Variants in CCDC33 observed in about 807,000 individuals in gnomAD.
The protein encoded by CCDC33 is coiled-coil domain containing 33.
CCDC33 carries 94 observed loss-of-function variants against 91.9 expected under a neutral mutation model. The ratio of observed to expected loss-of-function variants is 1.02; its 90% CI spans 0.87 to 1.21. The LOEUF is 1.21. Among genes scored for constraint, CCDC33 ranks in the 50% most tolerant of loss-of-function variants. CCDC33 has a pLI of 0.00. For synonymous variants in CCDC33, 396 were observed against 374.5 expected, an observed-to-expected ratio of 1.06 and a Z score of -0.66; for missense variants, 940 against 935.5, an observed-to-expected ratio of 1.00 and a Z score of -0.06.
chr15:74,325,788 G>T (rs1002903312), intron 11 of CCDC33, among the ~76,000 whole-genome samples: 7 of 152,052 alleles, frequency 4.6e-5, no homozygotes, highest in African/African-American at 1.7e-4. Flanking sequence ...ATTTTTTTGC[G>T]GGGGGTGGGT....
chr15:74,225,802 T>G (rs1174443296), intron 2 of CCDC33, among the ~76,000 whole-genome samples: 3 of 151,932 alleles, frequency 2.0e-5, no homozygotes, highest in Non-Finnish European at 2.9e-5. Flanking sequence ...AGCAGCAGGG[T>G]AGGAAGGCTG....
At position 74,254,705 on chromosome 15, in the gene CCDC33, C is replaced by T. The variant is rs1229336901; in HGVS notation, c.186-7735C>T. 5.3e-5 allele frequency among the ~76,000 whole-genome samples: 8 copies of T among 151,972 alleles called. No homozygotes were observed. The East Asian group carries it at 7.7e-4, about 15-fold the overall frequency. On this transcript the variant is annotated intron_variant, in intron 2 of 18. Coordinates refer to ENST00000398814, the MANE Select transcript of CCDC33 (RefSeq NM_025055.5). ...ACCCTGCGAATGTCAATGCTCCTGG[C>T]TCAGTCCTTGGCCTCTCCTCTGCAT...
At chr15:74,301,315 C>G (rs1468959395) in intron 11 of CCDC33, 1 of 152,326 alleles carries the variant, frequency 6.6e-6, no homozygotes, top group Non-Finnish European at 1.5e-5. Flanking sequence ...TTCTGAAACA[C>G]CTGCCATGTG....
chr15:74,280,374 G>A (rs940823974), intron 8 of CCDC33, among the ~76,000 whole-genome samples: 1 of 152,234 alleles, frequency 6.6e-6, no homozygotes, highest in Non-Finnish European at 1.5e-5. Flanking sequence ...AGAGAGGGGT[G>A]AGGGAGATGG....
At chr15:74,260,947 G>A (rs553262922) in intron 2 of CCDC33, among the ~76,000 whole-genome samples, 1 of 152,122 alleles carries the variant, frequency 6.6e-6, no homozygotes, top group Non-Finnish European at 1.5e-5. Flanking sequence ...ATATTCATTC[G>A]TTTCCTTCCC....
chr15:74,211,917 C>A (rs1375342681), intron 2 of CCDC33, among the ~76,000 whole-genome samples: 1 of 152,144 alleles, frequency 6.6e-6, no homozygotes, highest in African/African-American at 2.4e-5. Context: ...ATCACTCTCT[C>A]TGTTGTTTCC....
intron 7 of CCDC33, among the ~76,000 whole-genome samples, chr15:74,275,057 C>A (rs1026668836): frequency 6.6e-6 from 1 of 152,220 alleles, no homozygotes; most frequent in African/African-American, 2.4e-5. Flanking sequence ...TCACACAGAC[C>A]CCTGCCCTGT....
In CCDC33 at chr15:74,280,105, T is replaced by C; in HGVS notation, c.889+13T>C. 1 of 1,613,728 alleles carries C rather than the reference T, an allele frequency of 6.2e-7. No individual in the cohort carries two copies. Among genetic ancestry groups the C allele is most frequent in the East Asian group, 2.2e-5 (1 of 44,864 alleles). On this transcript the variant is annotated intron_variant, in intron 8 of 18. Transcript: ENST00000398814. ...TCCTCAACTTCAAGTACGTGACCCCTGGTGCCTCGCCAGGGCAGCCATGCC... is the reference window on the plus strand; with the variant it reads ...TCCTCAACTTCAAGTACGTGACCCCCGGTGCCTCGCCAGGGCAGCCATGCC...
chr15:74,221,992 G>A (rs1341419184), intron 2 of CCDC33, among the ~76,000 whole-genome samples: 1 of 152,162 alleles, frequency 6.6e-6, no homozygotes, highest in East Asian at 1.9e-4. Flanking sequence ...GTTCGGTGCT[G>A]GACAGAGCAC....
rs770484151 is a variant in CCDC33 at position 74,236,760 on chromosome 15, C to G, written c.21+20C>G. ...AAAAAGGTAAGGCCAGGGGCATGGG[C>G]CATGCACCTGCATGAATCCGTCCCT... On this transcript the variant is annotated intron_variant, in intron 1 of 18. Transcript: ENST00000398814. 1 of 1,612,862 alleles carries G rather than the reference C, an allele frequency of 6.2e-7. No individual in the cohort carries two copies. The highest frequency in any genetic ancestry group is 1.1e-5 in the South Asian group (1 of 90,912).
upstream of CCDC33, among the ~76,000 whole-genome samples, chr15:74,234,356 C>A (rs2075078925): frequency 1.3e-5 from 2 of 152,242 alleles, no homozygotes; most frequent in African/African-American, 4.8e-5. Context: ...TTGGGGCTGG[C>A]CCCTGGACAT....
chr15:74,250,518 C>T (rs1363627708), intron 2 of CCDC33, among the ~76,000 whole-genome samples: 2 of 152,182 alleles, frequency 1.3e-5, no homozygotes, highest in Non-Finnish European at 2.9e-5. Flanking sequence ...TCTCAGCTGT[C>T]CTCACTGATC....
At chr15:74,330,397 G>C in intron 12 of CCDC33, 43 bp downstream of exon 12, 1 of 1,511,452 alleles carries the variant, frequency 6.6e-7, no homozygotes, top group East Asian at 2.4e-5. Flanking sequence ...GCTTCTGCCT[G>C]GGCCCAGGCT....
At chr15:74,262,369 G>A (rs1411435214) in intron 2 of CCDC33, 71 bp from the exon 3 acceptor site, 1 of 1,587,648 alleles carries the variant, frequency 6.3e-7, no homozygotes, top group South Asian at 1.1e-5. Context: ...TATGGACAGT[G>A]GAGCCTGGGA....
intron 8 of CCDC33, 114 bp from the exon 9 acceptor site, chr15:74,280,554 G>A: frequency 1.6e-6 from 2 of 1,252,502 alleles, no homozygotes; most frequent in Non-Finnish European, 2.1e-6. Context: ...GCAGGGAAAG[G>A]CCAGGAGGCA....
rs1467020920 is a variant in CCDC33 at position 74,262,445 on chromosome 15, G to A, written c.191G>A (p.Ser64Asn). 1 of 1,613,972 alleles carries A rather than the reference G, an allele frequency of 6.2e-7. No individual in the cohort carries two copies. Among genetic ancestry groups the A allele is most frequent in the East Asian group, 2.2e-5 (1 of 44,882 alleles). Reference protein sequence around the residue: ...SEPWPYVVVKSTSEEKNNQSS... With the variant: ...SEPWPYVVVKNTSEEKNNQSS... Reference sequence around the variant, plus strand: ...CCTGCCCCTGCTCTCCCCAGGAAAAGCACATCTGAGGAAAAGAACAATCAG... The same window carrying A: ...CCTGCCCCTGCTCTCCCCAGGAAAAACACATCTGAGGAAAAGAACAATCAG... The change falls in exon 3 of 19, where the codon AGC becomes AAC. Residue 64 changes from serine (S) to asparagine (N), a missense_variant. Coordinates refer to ENST00000398814, the MANE Select transcript of CCDC33 (RefSeq NM_025055.5).
intron 11 of CCDC33, chr15:74,303,257 C>T (rs8042971): frequency 0.035 from 5,394 of 152,530 alleles, 204 homozygotes; most frequent in East Asian, 0.16. Flanking sequence ...GGATTGGCCC[C>T]CAGGAGCAGG....
chr15:74,330,128 GGAT>G, intron 11 of CCDC33, 58 bp from the exon 12 acceptor site: 3 of 1,492,532 alleles, frequency 2.0e-6, no homozygotes, highest in South Asian at 1.4e-5. Flanking sequence ...GTGTAGATGT[GGAT>G]GTGGGACCAG....
chr15:74,317,448 C>T (rs2060109971), intron 11 of CCDC33, among the ~76,000 whole-genome samples: 1 of 152,194 alleles, frequency 6.6e-6, no homozygotes, highest in East Asian at 1.9e-4. Context: ...CTCCACAACA[C>T]CGGCAGAAGC....
Sources: gnomAD v4.1 joint callset for allele counts (sites outside exome capture counted in the v4.1 genomes callset) on GRCh38, gnomAD v4.1.1 for gene constraint, MANE v1.5 for transcripts, NCBI Gene and HGNC (gene_info 2026-07-23, HGNC 2026-07-21) for gene names.